SPAG16: variants seen among roughly 807,000 people sequenced by gnomAD.
SPAG16 encodes sperm associated antigen 16, also known as sperm-associated antigen 16 protein.
A neutral mutation model predicts 80.4 loss-of-function variants in SPAG16; 86 were observed. That is an observed-to-expected ratio of 1.07 (90% CI 0.90 to 1.28). SPAG16 has a LOEUF of 1.28. Ranked by LOEUF, SPAG16 falls within the 50% of genes most tolerant of loss-of-function variation. SPAG16 has a pLI of 0.00. For missense variants in SPAG16, 870 were observed against 765.3 expected (o/e 1.14, Z -1.61); for synonymous variants, 294 against 265.9 (o/e 1.11, Z -1.03).
At chr2:213,446,881 G>T (rs1359811648) in intron 9 of SPAG16, among the ~76,000 whole-genome samples, 1 of 152,164 alleles carries the variant, frequency 6.6e-6, no homozygotes, top group African/African-American at 2.4e-5. Flanking sequence ...TCAAGTCTGG[G>T]CTGCTTGCCT....
chr2:213,311,059 A>G (rs989345355), intron 4 of SPAG16, among the ~76,000 whole-genome samples: 2 of 151,710 alleles, frequency 1.3e-5, no homozygotes. Flanking sequence ...GAGAACATGC[A>G]CATAAGCGCA....
chr2:213,350,035 A>G (rs2065240398), intron 6 of SPAG16, among the ~76,000 whole-genome samples: 2 of 152,210 alleles, frequency 1.3e-5, no homozygotes, highest in Admixed American at 1.3e-4. Flanking sequence ...ACTAGGCTGA[A>G]TTATTCCTTC....
chr2:213,394,206 TC>T (rs2067921120), intron 9 of SPAG16, among the ~76,000 whole-genome samples: 1 of 152,128 alleles, frequency 6.6e-6, no homozygotes, highest in South Asian at 2.1e-4. Context: ...GTTTATTTTT[TC>T]CTTTACCAAC....
chr2:213,457,920 C>G (rs992479226), intron 9 of SPAG16, among the ~76,000 whole-genome samples: 1 of 145,778 alleles, frequency 6.9e-6, no homozygotes, highest in Non-Finnish European at 1.5e-5. Flanking sequence ...TAATTTATTA[C>G]TTTCTTATTC....
In SPAG16 at chr2:214,258,893, T is replaced by C. The variant is rs368637766; in HGVS notation, c.1720+109627T>C. 1.9e-4 allele frequency among the ~76,000 whole-genome samples: 29 copies of C among 152,168 alleles called. No individual in the cohort carries two copies. In the East Asian group the frequency reaches 4.6e-3, roughly 24 times the overall value. ...TATATAATTTCAATTTGGTATTTTA[T>C]ATAGTTTCCATTTCCCTACTGAGTA... is the stretch of plus-strand genomic sequence containing the variant. On this transcript the variant is annotated intron_variant, in intron 15 of 15. Transcript: ENST00000331683.
rs530467625 is a variant in SPAG16 at position 213,471,357 on chromosome 2, G to T, written c.943-18606G>T. On this transcript the variant is annotated intron_variant, in intron 9 of 15. Coordinates refer to ENST00000331683, the MANE Select transcript of SPAG16 (RefSeq NM_024532.5). The stretch of plus-strand genomic sequence containing the variant: ...CACGTATATACCACTTCCATTTGAT[G>T]ATGGAATGCTGCTGTGCGTGCCCCA... Among the ~76,000 whole-genome samples, 16 of 152,218 alleles carry T rather than the reference G, an allele frequency of 1.1e-4. No individual in the cohort carries two copies. In the East Asian group the frequency reaches 3.1e-3, roughly 29 times the overall value.
chr2:214,246,212 C>T (rs2125836992), intron 15 of SPAG16, among the ~76,000 whole-genome samples: 1 of 151,998 alleles, frequency 6.6e-6, no homozygotes. Context: ...AATCCCTGGA[C>T]TCCGTAGTTT....
chr2:214,370,511 T>C (rs1467220690), intron 15 of SPAG16, among the ~76,000 whole-genome samples: 1 of 152,184 alleles, frequency 6.6e-6, no homozygotes, highest in East Asian at 1.9e-4. Flanking sequence ...TACATATTGT[T>C]AAGTTATTAC....
At chr2:214,019,902 A>G (rs906240504) in intron 13 of SPAG16, among the ~76,000 whole-genome samples, 3 of 152,180 alleles carry the variant, frequency 2.0e-5, no homozygotes, top group Non-Finnish European at 4.4e-5. Context: ...CAATGTATAA[A>G]GATAAATTAT....
chr2:213,325,575 TA>T, intron 5 of SPAG16, among the ~76,000 whole-genome samples: 1 of 151,836 alleles, frequency 6.6e-6, no homozygotes, highest in East Asian at 1.9e-4. Context: ...AGGTGTGACA[TA>T]GGATGGGGAT....
intron 9 of SPAG16, among the ~76,000 whole-genome samples, chr2:213,421,776 A>G (rs1374662388): frequency 6.6e-6 from 1 of 152,154 alleles, no homozygotes; most frequent in Non-Finnish European, 1.5e-5. Context: ...ACTCATTCAG[A>G]CAACCTGCCT....
intron 10 of SPAG16, among the ~76,000 whole-genome samples, chr2:213,742,676 C>A (rs1489291632): frequency 6.6e-6 from 1 of 150,940 alleles, no homozygotes; most frequent in Non-Finnish European, 1.5e-5. Flanking sequence ...CTCAGCTTCT[C>A]GAGTAGCTGG....
chr2:213,658,396 T>C (rs929009747), intron 10 of SPAG16, among the ~76,000 whole-genome samples: 2 of 152,168 alleles, frequency 1.3e-5, no homozygotes, highest in Non-Finnish European at 1.5e-5. Context: ...TGTGTAGTCC[T>C]TATCACATTT....
intron 9 of SPAG16, among the ~76,000 whole-genome samples, chr2:213,386,561 T>G (rs1332111041): frequency 6.6e-6 from 1 of 152,234 alleles, no homozygotes; most frequent in Non-Finnish European, 1.5e-5. Flanking sequence ...CTAATCTTCC[T>G]TAGACAATTG....
chr2:213,515,558 A>G (rs1409529066), intron 10 of SPAG16, among the ~76,000 whole-genome samples: 1 of 152,144 alleles, frequency 6.6e-6, no homozygotes, highest in Admixed American at 6.6e-5. Context: ...AAATGATGTA[A>G]TTCCTTTTTT....
chr2:214,152,894 C>A (rs2056045628), intron 15 of SPAG16, among the ~76,000 whole-genome samples: 1 of 152,076 alleles, frequency 6.6e-6, no homozygotes, highest in African/African-American at 2.4e-5. Context: ...ACTTTTAGTA[C>A]TTTCACTAAT....
intron 10 of SPAG16, among the ~76,000 whole-genome samples, chr2:213,594,167 G>A (rs2060807974): frequency 6.6e-6 from 1 of 152,124 alleles, no homozygotes; most frequent in Non-Finnish European, 1.5e-5. Flanking sequence ...TACTGGCACT[G>A]ATGTAGGTCA....
At chr2:213,910,870 A>G (rs570142498) in intron 11 of SPAG16, among the ~76,000 whole-genome samples, 2 of 152,326 alleles carry the variant, frequency 1.3e-5, no homozygotes, top group East Asian at 1.9e-4. Context: ...AAATAAAGAC[A>G]GTAAGTTTCA....
intron 10 of SPAG16, among the ~76,000 whole-genome samples, chr2:213,602,619 C>A (rs1023287537): frequency 6.6e-6 from 1 of 152,168 alleles, no homozygotes; most frequent in African/African-American, 2.4e-5. Context: ...GGCAACAGAG[C>A]GAGACTCCGT....
Sources: gnomAD v4.1 joint callset for allele counts (sites outside exome capture counted in the v4.1 genomes callset) on GRCh38, gnomAD v4.1.1 for gene constraint, MANE v1.5 for transcripts, NCBI Gene and HGNC (gene_info 2026-07-23, HGNC 2026-07-21) for gene names.